LINGO2: variants seen among roughly 807,000 people sequenced by gnomAD.
The protein encoded by LINGO2 is leucine-rich repeat and immunoglobulin-like domain-containing nogo receptor-interacting protein 2.
Under a neutral mutation model 30.6 loss-of-function variants are expected in LINGO2, and 14 were observed. The observed-to-expected ratio is 0.46, with a 90% CI of 0.30 to 0.72. The LOEUF (loss-of-function observed/expected upper bound fraction) is 0.72. Among genes scored for constraint, LINGO2 ranks in the 30% least tolerant of loss-of-function variants. LINGO2 has a pLI of 0.07. For synonymous variants in LINGO2, 317 were observed against 288.5 expected, an observed-to-expected ratio of 1.10 and a Z score of -1.00; for missense variants, 729 against 751.7, an observed-to-expected ratio of 0.97 and a Z score of 0.35.
chr9:28,055,914 T>C (rs1477314990), intron 4 of LINGO2, among the ~76,000 whole-genome samples: 1 of 152,178 alleles, frequency 6.6e-6, no homozygotes, highest in Non-Finnish European at 1.5e-5. Flanking sequence ...CGATTACTTC[T>C]CGAGACCCTC....
chr9:28,108,681 G>C (rs970915861), intron 4 of LINGO2, among the ~76,000 whole-genome samples: 1 of 152,076 alleles, frequency 6.6e-6, no homozygotes, highest in African/African-American at 2.4e-5. Flanking sequence ...GGAACTATTA[G>C]TTCCTGGTAA....
the LINGO2 span, among the ~76,000 whole-genome samples, chr9:28,921,358 C>T: frequency 4.3e-4 from 65 of 152,060 alleles, no homozygotes; most frequent in African/African-American, 1.5e-3. Context: ...CCACCCCCAC[C>T]CCAGAGGCAA....
the LINGO2 span, among the ~76,000 whole-genome samples, chr9:28,707,712 C>A: frequency 8.6e-5 from 13 of 151,928 alleles, no homozygotes; most frequent in Non-Finnish European, 1.8e-4. Context: ...GTTTGGAGGC[C>A]TAAGACATGA....
chr9:28,091,271 A>G (rs1172066072), intron 4 of LINGO2, among the ~76,000 whole-genome samples: 1 of 152,228 alleles, frequency 6.6e-6, no homozygotes, highest in Non-Finnish European at 1.5e-5. Context: ...ATGCTAAGCC[A>G]AAAGAACAAA....
the LINGO2 span, among the ~76,000 whole-genome samples, chr9:28,910,119 A>C: frequency 3.3e-5 from 5 of 152,100 alleles, no homozygotes; most frequent in Non-Finnish European, 7.4e-5. Flanking sequence ...CTATGCTACA[A>C]GAGTATTTTA....
At chr9:28,763,392 A>C in the LINGO2 span, among the ~76,000 whole-genome samples, 10,805 of 152,010 alleles carry the variant, frequency 0.071, 1,364 homozygotes, top group African/African-American at 0.24. Context: ...GAAAATGGAA[A>C]ACATTTACGA....
the LINGO2 span, among the ~76,000 whole-genome samples, chr9:28,738,723 G>A: frequency 2.6e-5 from 4 of 151,912 alleles, no homozygotes; most frequent in African/African-American, 4.8e-5. Context: ...TTTATTCTCA[G>A]AATGCAAGGG....
the LINGO2 span, among the ~76,000 whole-genome samples, chr9:28,790,325 C>CTTTCTCTTTTTTTTTTTTTTTTT: frequency 9.4e-6 from 1 of 106,300 alleles, no homozygotes; most frequent in African/African-American, 3.9e-5. Flanking sequence ...TCTTTTCTTT[C>CTTTCTCTTTTTTTTTTTTTTTTT]TTTTTTTTTT....
intron 4 of LINGO2, among the ~76,000 whole-genome samples, chr9:28,097,738 TGACGA>T (rs1826289196): frequency 6.7e-6 from 1 of 149,254 alleles, no homozygotes; most frequent in African/African-American, 2.5e-5. Flanking sequence ...TAATGCTAAA[TGACGA>T]GTTAATGGGT....
chr9:28,551,075 G>A (rs1445819350), intron 1 of LINGO2, among the ~76,000 whole-genome samples: 1 of 151,790 alleles, frequency 6.6e-6, no homozygotes, highest in East Asian at 1.9e-4. Context: ...CATTTCTGTA[G>A]ATTAATACAT....
the LINGO2 span, among the ~76,000 whole-genome samples, chr9:29,135,331 G>A: frequency 1.3e-5 from 2 of 152,094 alleles, no homozygotes; most frequent in Admixed American, 6.6e-5. Flanking sequence ...AGGCCAAAGC[G>A]AGCAGATCAT....
At chr9:28,965,519 T>C in the LINGO2 span, among the ~76,000 whole-genome samples, 4 of 152,014 alleles carry the variant, frequency 2.6e-5, no homozygotes, top group African/African-American at 9.7e-5. Flanking sequence ...AGTTCTGTAA[T>C]TAATGCTTAA....
chr9:27,964,021 T>C (rs16912117), intron 5 of LINGO2, among the ~76,000 whole-genome samples: 155 of 152,166 alleles, frequency 1.0e-3, no homozygotes, highest in African/African-American at 3.5e-3. Flanking sequence ...GCAGGAAACA[T>C]TGGATTTCAA....
rs368772994 is a variant in LINGO2 at position 28,396,662 on chromosome 9, C to T, written c.-278-23794G>A. On this transcript the variant is annotated intron_variant, in intron 2 of 5. Transcript: ENST00000379992. ...GAGCTTGCAGTGAGCCGAGATCACG[C>T]CACTGCACTCCAGCCTGGGTGACAG... Among the ~76,000 whole-genome samples the T allele has an allele frequency of 1.3e-4, 17 of 135,058 alleles. No homozygotes were observed. The East Asian group carries it at 4.0e-3, about 32-fold the overall frequency. The allele number at this position is 135,058 out of a possible 152,430, so 88.6% of individuals were successfully genotyped here.
At chr9:28,853,140 T>C in the LINGO2 span, among the ~76,000 whole-genome samples, 1 of 152,070 alleles carries the variant, frequency 6.6e-6, no homozygotes, top group East Asian at 1.9e-4. Context: ...CAAATGATGT[T>C]CAAATTAAAT....
At chr9:28,503,886 C>A (rs1214413388) in intron 1 of LINGO2, among the ~76,000 whole-genome samples, 2 of 151,520 alleles carry the variant, frequency 1.3e-5, no homozygotes, top group Non-Finnish European at 3.0e-5. Flanking sequence ...AATAAAAAAC[C>A]AGACAGATTG....
chr9:29,042,540 A>AT, the LINGO2 span, among the ~76,000 whole-genome samples: 3 of 151,850 alleles, frequency 2.0e-5, 1 homozygote, highest in Non-Finnish European at 4.4e-5. Flanking sequence ...AAGAAACACA[A>AT]TTTTTTTCAT....
chr9:28,448,304 C>T (rs1824509152), intron 2 of LINGO2, among the ~76,000 whole-genome samples: 1 of 152,032 alleles, frequency 6.6e-6, no homozygotes, highest in Non-Finnish European at 1.5e-5. Flanking sequence ...ATGACTGGTA[C>T]TAAAAGTTAA....
At chr9:28,868,852 G>A in the LINGO2 span, among the ~76,000 whole-genome samples, 8 of 152,028 alleles carry the variant, frequency 5.3e-5, no homozygotes, top group Non-Finnish European at 1.2e-4. Flanking sequence ...GATGAAGATA[G>A]AAAGTAGTGG....
Sources: gnomAD v4.1 joint callset for allele counts (sites outside exome capture counted in the v4.1 genomes callset) on GRCh38, gnomAD v4.1.1 for gene constraint, MANE v1.5 for transcripts, NCBI Gene and HGNC (gene_info 2026-07-23, HGNC 2026-07-21) for gene names.